HECW2: variants seen among roughly 807,000 people sequenced by gnomAD.
HECW2 encodes the protein HECT, C2 and WW domain containing E3 ubiquitin protein ligase 2, also known as E3 ubiquitin-protein ligase HECW2.
In HECW2, 61 loss-of-function variants were observed where a neutral mutation model predicts 175.2. The observed-to-expected ratio is 0.35, with a 90% confidence interval of 0.28 to 0.43. HECW2 has a LOEUF of 0.43. Ranked by LOEUF, HECW2 falls within the 20% of genes least tolerant of loss-of-function variation. The pLI is 1.00. For missense variants in HECW2, 1,524 were observed against 2,000.5 expected (o/e 0.76, Z 4.54); for synonymous variants, 671 against 731.0 (o/e 0.92, Z 1.32).
chr2:196,298,460 T>A (rs1012784939), intron 13 of HECW2, among the ~76,000 whole-genome samples: 1 of 152,250 alleles, frequency 6.6e-6, no homozygotes, highest in Non-Finnish European at 1.5e-5. Context: ...TACTAGGTAT[T>A]ACAACTACAC....
chr2:196,293,114 G>A (rs1253373606), intron 13 of HECW2, among the ~76,000 whole-genome samples: 3 of 152,104 alleles, frequency 2.0e-5, no homozygotes, highest in Non-Finnish European at 4.4e-5. Flanking sequence ...ATTAAGCCCA[G>A]CACGCATTAG....
rs936610052 is a variant in HECW2, at chr2:196,419,863, C to G, written c.292+13269G>C. ...AGTGCCAACTACTGTCCCGTACCCC[C>G]ACTCCAAAACGATCCTCAGAGCCAC... On this transcript the variant is annotated intron_variant, in intron 2 of 28. Transcript: ENST00000644978. Among the ~76,000 whole-genome samples, 8 of 152,160 alleles carry G rather than the reference C, an allele frequency of 5.3e-5. No individual in the cohort carries two copies. The South Asian group carries it at 8.3e-4, about 16-fold the overall frequency.
chr2:196,222,430 G>T, intron 23 of HECW2, 90 bp from the exon 24 acceptor site: 1 of 1,254,394 alleles, frequency 8.0e-7, no homozygotes. Context: ...GAATTAAAGA[G>T]AAGAATAAGA....
intron 1 of HECW2, among the ~76,000 whole-genome samples, chr2:196,544,466 G>A (rs957262453): frequency 5.3e-5 from 8 of 152,176 alleles, no homozygotes; most frequent in African/African-American, 1.9e-4. Context: ...GTACACCTGT[G>A]ACTCCCCAAC....
chr2:196,277,785 A>C (rs1285944536), intron 15 of HECW2, among the ~76,000 whole-genome samples: 2 of 152,086 alleles, frequency 1.3e-5, no homozygotes, highest in Non-Finnish European at 2.9e-5. Flanking sequence ...ACACCATGGA[A>C]TACTACGCAG....
chr2:196,241,061 T>C lies in HECW2; in HGVS notation c.3651-499A>G, dbSNP rs1688435251. On this transcript the variant is annotated intron_variant, in intron 20 of 28. Coordinates refer to ENST00000644978, the MANE Select transcript of HECW2 (RefSeq NM_001348768.2). ...TCCAAAGCAGAGGAGTTTCCAATTG[T>C]TAATTGTTAAATTAAGTGAATCTTG... 1.3e-5 allele frequency among the ~76,000 whole-genome samples: 2 copies of C among 152,266 alleles called. 1 individual carries two copies. Among genetic ancestry groups the C allele is most frequent in the South Asian group, 4.1e-4 (2 of 4,828 alleles).
At position 196,197,722 on chromosome 2, in the gene HECW2, G is replaced by A. The variant is rs1369557499; in HGVS notation, c.*3555C>T. ...ATTTCTCAAGATGAAACACAGAATTGTGACTATGAAGTAATGAAACTGATG... is the reference window on the plus strand; with the variant it reads ...ATTTCTCAAGATGAAACACAGAATTATGACTATGAAGTAATGAAACTGATG... On this transcript the variant is annotated 3_prime_UTR_variant, in exon 29 of 29. Coordinates refer to ENST00000644978, the MANE Select transcript of HECW2 (RefSeq NM_001348768.2). The A allele has an allele frequency of 6.6e-6, 1 of 152,160 alleles. No homozygotes were observed. Among genetic ancestry groups the A allele is most frequent in the Non-Finnish European group, 1.5e-5 (1 of 68,034 alleles). 9.4% of individuals were successfully genotyped at this position (152,160 alleles called of 1,614,324 possible).
intron 10 of HECW2, among the ~76,000 whole-genome samples, chr2:196,312,406 C>T (rs1691531711): frequency 6.6e-6 from 1 of 152,124 alleles, no homozygotes; most frequent in Non-Finnish European, 1.5e-5. Context: ...TTCTAATGAA[C>T]TAAAGGTACT....
chr2:196,268,725 G>GCT (rs1689612852), intron 17 of HECW2, among the ~76,000 whole-genome samples: 1 of 152,196 alleles, frequency 6.6e-6, no homozygotes, highest in African/African-American at 2.4e-5. Context: ...ACACTTAGAG[G>GCT]AACAGATATT....
At chr2:196,214,889 T>G (rs1282795876) in intron 28 of HECW2, among the ~76,000 whole-genome samples, 1 of 152,202 alleles carries the variant, frequency 6.6e-6, no homozygotes, top group African/African-American at 2.4e-5. Context: ...TAATGTCACC[T>G]TATATAGTAA....
intron 2 of HECW2, among the ~76,000 whole-genome samples, chr2:196,403,522 C>A (rs920425648): frequency 3.3e-5 from 5 of 152,198 alleles, no homozygotes; most frequent in African/African-American, 1.2e-4. Context: ...TTATACTATG[C>A]AGCTCATTTC....
chr2:196,233,383 C>G (rs1375046766), intron 21 of HECW2, among the ~76,000 whole-genome samples: 2 of 152,070 alleles, frequency 1.3e-5, no homozygotes, highest in African/African-American at 4.8e-5. Flanking sequence ...CAGTGGCACC[C>G]AAAATTTGTT....
At chr2:196,478,315 AG>A (rs1326470383) in intron 1 of HECW2, among the ~76,000 whole-genome samples, 1 of 152,182 alleles carries the variant, frequency 6.6e-6, no homozygotes, top group Non-Finnish European at 1.5e-5. Flanking sequence ...ATCCCACTGA[AG>A]TCCCTGCTCA....
chr2:196,492,030 G>C (rs1687216071), intron 1 of HECW2, among the ~76,000 whole-genome samples: 1 of 152,034 alleles, frequency 6.6e-6, no homozygotes, highest in Non-Finnish European at 1.5e-5. Context: ...CTGAATCTGA[G>C]TGAACACTTA....
At chr2:196,242,738 G>C (rs924534848) in intron 19 of HECW2, 2 of 142,106 alleles carry the variant, frequency 1.4e-5, no homozygotes, top group African/African-American at 5.3e-5. Flanking sequence ...CACCCAGCAG[G>C]CTGGAGTGCA....
chr2:196,512,393 T>A (rs1418772360), intron 1 of HECW2, among the ~76,000 whole-genome samples: 1 of 152,134 alleles, frequency 6.6e-6, no homozygotes, highest in East Asian at 1.9e-4. Context: ...TTCAACTGAT[T>A]TAACTTTTTT....
At chr2:196,281,145 T>C (rs2105994618) in intron 14 of HECW2, among the ~76,000 whole-genome samples, 1 of 152,296 alleles carries the variant, frequency 6.6e-6, no homozygotes, top group South Asian at 2.1e-4. Context: ...AAGAGGCTTG[T>C]CTAAAATCCA....
intron 21 of HECW2, among the ~76,000 whole-genome samples, chr2:196,231,107 A>AG: frequency 6.6e-6 from 1 of 150,978 alleles, no homozygotes; most frequent in East Asian, 1.9e-4. Flanking sequence ...AAAAAAAAAA[A>AG]AAAAAAAAAG....
chr2:196,578,881 C>T (rs879560816), intron 1 of HECW2, among the ~76,000 whole-genome samples: 11 of 152,060 alleles, frequency 7.2e-5, no homozygotes, highest in Non-Finnish European at 1.3e-4. Flanking sequence ...AAAAACAACA[C>T]CAAACATTAA....
Sources: gnomAD v4.1 joint callset for allele counts (sites outside exome capture counted in the v4.1 genomes callset) on GRCh38, gnomAD v4.1.1 for gene constraint, MANE v1.5 for transcripts, NCBI Gene and HGNC (gene_info 2026-07-23, HGNC 2026-07-21) for gene names.